Variants in GCNT1 observed in about 807,000 individuals in gnomAD.
GCNT1 encodes the protein beta-1,3-galactosyl-O-glycosyl-glycoprotein beta-1,6-N-acetylglucosaminyltransferase.
GCNT1 carries 16 observed loss-of-function variants against 26.2 expected under a neutral mutation model. The ratio of observed to expected loss-of-function variants is 0.61; its 90% CI spans 0.41 to 0.93. The LOEUF (loss-of-function observed/expected upper bound fraction) is 0.93, where lower values mean the gene tolerates loss of function less well. Among genes scored for constraint, GCNT1 ranks in the 40% least tolerant of loss-of-function variants. GCNT1 has a pLI of 0.00. For synonymous variants in GCNT1, 183 were observed against 190.8 expected, an observed-to-expected ratio of 0.96 and a Z score of 0.34; for missense variants, 477 against 526.7, an observed-to-expected ratio of 0.91 and a Z score of 0.92.
chr9:76,443,425 G>C (rs1476508807), intron 1 of GCNT1, among the ~76,000 whole-genome samples: 1 of 152,194 alleles, frequency 6.6e-6, no homozygotes, highest in Non-Finnish European at 1.5e-5. Context: ...GAAACGAAGG[G>C]ATGGGCCGAA....
chr9:76,480,050 T>C (rs575252889), intron 2 of GCNT1, among the ~76,000 whole-genome samples: 2 of 152,370 alleles, frequency 1.3e-5, no homozygotes, highest in South Asian at 4.1e-4. Flanking sequence ...AAGGAAGGGA[T>C]CCAGTTTCAG....
intron 2 of GCNT1, among the ~76,000 whole-genome samples, chr9:76,478,181 C>G (rs1327451539): frequency 6.6e-6 from 1 of 152,198 alleles, no homozygotes. Flanking sequence ...CTCAGGTATC[C>G]TTCCATGTAG....
chr9:76,438,367 T>G (rs779434743), upstream of GCNT1, among the ~76,000 whole-genome samples: 33 of 152,218 alleles, frequency 2.2e-4, no homozygotes, highest in Non-Finnish European at 4.1e-4. Context: ...GAGACACGAA[T>G]GTCTGGGTTA....
the GCNT1 span, among the ~76,000 whole-genome samples, chr9:76,410,747 A>ACCC: frequency 6.6e-6 from 1 of 152,200 alleles, no homozygotes; most frequent in Non-Finnish European, 1.5e-5. Context: ...TGTCAATTAT[A>ACCC]CCCCATTGAT....
Position 76,504,980 on chromosome 9 carries a change from A to T in GCNT1, c.*1312A>T. 1 of 413,356 alleles carries T rather than the reference A, an allele frequency of 2.4e-6. No homozygotes were observed. Among genetic ancestry groups the T allele is most frequent in the Non-Finnish European group, 4.4e-6 (1 of 226,112 alleles). The allele number at this position is 413,356 out of a possible 1,614,324, so 25.6% of individuals were successfully genotyped here. On this transcript the variant is annotated 3_prime_UTR_variant, in exon 4 of 4. Coordinates refer to ENST00000376730, the MANE Select transcript of GCNT1 (RefSeq NM_001490.5). ...TTACTCTCTCCATCTTCACCATAAG[A>T]CAGATAATTTGGGGTTGCTATAATG...
At chr9:76,453,687 G>A (rs781184496) in intron 1 of GCNT1, among the ~76,000 whole-genome samples, 3 of 152,192 alleles carry the variant, frequency 2.0e-5, no homozygotes, top group Non-Finnish European at 4.4e-5. Flanking sequence ...AGTCTCACAG[G>A]AGGGCCAAAG....
chr9:76,478,198 C>T (rs1356819534), intron 2 of GCNT1, among the ~76,000 whole-genome samples: 1 of 152,202 alleles, frequency 6.6e-6, no homozygotes, highest in Non-Finnish European at 1.5e-5. Flanking sequence ...GTAGTGGAAA[C>T]TTGGTTCTTT....
the GCNT1 span, among the ~76,000 whole-genome samples, chr9:76,414,507 G>A: frequency 6.6e-6 from 1 of 152,152 alleles, no homozygotes; most frequent in Admixed American, 6.5e-5. Context: ...TATTCCATAG[G>A]CAGAGCAACC....
chr9:76,465,881 A>C (rs1823982402), intron 2 of GCNT1, among the ~76,000 whole-genome samples: 1 of 152,186 alleles, frequency 6.6e-6, no homozygotes, highest in Admixed American at 6.5e-5. Context: ...GTAGGATGGG[A>C]TGGTGGAACC....
intron 2 of GCNT1, among the ~76,000 whole-genome samples, chr9:76,488,317 TC>T (rs1564242773): frequency 1.3e-5 from 2 of 152,240 alleles, no homozygotes; most frequent in African/African-American, 4.8e-5. Flanking sequence ...TTTCCTTTTT[TC>T]TTTTTCTTCT....
intron 2 of GCNT1, among the ~76,000 whole-genome samples, chr9:76,477,429 G>A (rs1028467126): frequency 2.0e-5 from 3 of 151,978 alleles, no homozygotes; most frequent in Non-Finnish European, 1.5e-5. Flanking sequence ...AGGAGGCTGA[G>A]GCAGGAGAAT....
intron 2 of GCNT1, among the ~76,000 whole-genome samples, chr9:76,477,941 T>C (rs772830775): frequency 1.3e-5 from 2 of 152,118 alleles, no homozygotes; most frequent in Non-Finnish European, 2.9e-5. Flanking sequence ...TTGTGTCTAG[T>C]TAAAGGATTG....
chr9:76,492,720 G>A (rs899174565), intron 2 of GCNT1, among the ~76,000 whole-genome samples: 9 of 151,672 alleles, frequency 5.9e-5, no homozygotes, highest in Non-Finnish European at 1.3e-4. Flanking sequence ...CTTTTTTAAA[G>A]TATTTCTGCA....
At chr9:76,426,110 AAGG>A (rs1380271502) in intron 1 of GCNT1, among the ~76,000 whole-genome samples, 9 of 152,130 alleles carry the variant, frequency 5.9e-5, no homozygotes, top group Non-Finnish European at 1.2e-4. Flanking sequence ...CTGAGGCAGG[AAGG>A]AGGTTTGTTT....
chr9:76,505,675 C>T lies in GCNT1; in HGVS notation c.*2007C>T, dbSNP rs1386582662. On this transcript the variant is annotated 3_prime_UTR_variant, in exon 4 of 4. Coordinates refer to ENST00000376730, the MANE Select transcript of GCNT1 (RefSeq NM_001490.5). ...CCATGTAACCCTCACCTGGTGTTAA[C>T]ATTGTACCCTATTTGCTTTAAGTTG... The T allele has an allele frequency of 6.0e-6, 1 of 166,998 alleles. No homozygotes were observed. The highest frequency in any genetic ancestry group is 1.5e-5 in the Non-Finnish European group (1 of 68,108). The allele number at this position is 166,998 out of a possible 1,614,324, so 10.3% of individuals were successfully genotyped here. A position where few individuals can be genotyped will look rare whatever the true frequency, so the allele number is the denominator to read the frequency against.
At chr9:76,465,401 G>A (rs565238415) in intron 2 of GCNT1, among the ~76,000 whole-genome samples, 55 of 152,314 alleles carry the variant, frequency 3.6e-4, no homozygotes, top group African/African-American at 1.3e-3. Flanking sequence ...TAGGATTACA[G>A]GTGTGAGCCA....
At chr9:76,489,723 C>T (rs1824677898) in intron 2 of GCNT1, among the ~76,000 whole-genome samples, 2 of 151,906 alleles carry the variant, frequency 1.3e-5, no homozygotes, top group South Asian at 4.2e-4. Context: ...CCCAGGAAGT[C>T]CAGCTGGCTT....
At chr9:76,485,394 G>A (rs1323811715) in intron 2 of GCNT1, among the ~76,000 whole-genome samples, 1 of 151,630 alleles carries the variant, frequency 6.6e-6, no homozygotes, top group Non-Finnish European at 1.5e-5. Context: ...GCCTGGTCTT[G>A]AACTCCTGAC....
At chr9:76,480,040 A>G (rs1012844883) in intron 2 of GCNT1, among the ~76,000 whole-genome samples, 2 of 152,176 alleles carry the variant, frequency 1.3e-5, no homozygotes, top group Non-Finnish European at 2.9e-5. Context: ...TATAAGGTGT[A>G]AGGAAGGGAT....
Sources: allele counts gnomAD v4.1 joint callset (sites outside exome capture counted in the v4.1 genomes callset), GRCh38; gene constraint gnomAD v4.1.1; transcripts MANE v1.5; gene names NCBI Gene and HGNC (gene_info 2026-07-23, HGNC 2026-07-21).